Variants in UNC13C observed in about 807,000 individuals in gnomAD.
UNC13C encodes protein unc-13 homolog C.
Under a neutral mutation model 245.4 loss-of-function variants are expected in UNC13C, and 174 were observed. The observed-to-expected ratio is 0.71, with a 90% CI of 0.63 to 0.80. The LOEUF (loss-of-function observed/expected upper bound fraction) is 0.80, where lower values mean the gene tolerates loss of function less well. Among genes scored for constraint, UNC13C ranks in the 30% least tolerant of loss-of-function variants. UNC13C has a pLI of 0.00. For missense variants in UNC13C, 2,829 were observed against 2,602.9 expected (o/e 1.09, Z -1.89); for synonymous variants, 992 against 895.1 (o/e 1.11, Z -1.93).
intron 2 of UNC13C, among the ~76,000 whole-genome samples, chr15:54,118,584 T>C (rs2030440644): frequency 6.6e-6 from 1 of 152,150 alleles, no homozygotes; most frequent in Non-Finnish European, 1.5e-5. Context: ...TATCATGTCA[T>C]CTGTGAATAG....
At chr15:54,237,711 A>G (rs778521297) in intron 7 of UNC13C, 21 bp downstream of exon 7, 8 of 1,547,178 alleles carry the variant, frequency 5.2e-6, no homozygotes, top group Middle Eastern at 1.7e-4. Flanking sequence ...GATATTGCTC[A>G]TAATATCTAA....
the UNC13C span, among the ~76,000 whole-genome samples, chr15:53,933,411 G>A: frequency 6.6e-6 from 1 of 151,888 alleles, no homozygotes; most frequent in Non-Finnish European, 1.5e-5. Flanking sequence ...ACAAATATAA[G>A]ATGCACACAA....
At chr15:53,923,391 C>T in the UNC13C span, among the ~76,000 whole-genome samples, 1 of 152,164 alleles carries the variant, frequency 6.6e-6, no homozygotes, top group South Asian at 2.1e-4. Context: ...GTGTATCTGT[C>T]AGTGAATGTA....
chr15:53,911,434 G>A, the UNC13C span: 1 of 152,412 alleles, frequency 6.6e-6, no homozygotes, highest in South Asian at 2.1e-4. Flanking sequence ...GACCGCAGGC[G>A]AGATCCCAGG....
intron 30 of UNC13C, among the ~76,000 whole-genome samples, chr15:54,618,932 C>G (rs1040180907): frequency 6.6e-6 from 1 of 152,114 alleles, no homozygotes; most frequent in Non-Finnish European, 1.5e-5. Flanking sequence ...CAAAAAACCT[C>G]TTACTGTCAA....
Position 54,250,413 on chromosome 15 carries a change from T to A in UNC13C, c.3417T>A (p.Cys1139Ter). 6.2e-7 allele frequency: 1 copy of A among 1,612,932 alleles called. No homozygotes were observed. The highest frequency in any genetic ancestry group is 8.5e-7 in the Non-Finnish European group (1 of 1,179,456). Reference sequence around the variant, plus strand: ...GTGGAGTGAAATGCCACGAAAAGTGTCAGGACCTGCTAAACGCTGACTGCT... The same window carrying A: ...GTGGAGTGAAATGCCACGAAAAGTGACAGGACCTGCTAAACGCTGACTGCT... ...LECGVKCHEKCQDLLNADCLQ... is the reference protein window; with the variant it reads ...LECGVKCHEK Residue 1139 changes from cysteine (C) to a stop codon, truncating the protein, a stop_gained, in exon 8 of 33, where the codon TGT becomes TGA. Transcript: ENST00000260323. LOFTEE classifies it high-confidence loss of function.
At chr15:54,558,794 A>G (rs1897187897) in intron 29 of UNC13C, among the ~76,000 whole-genome samples, 1 of 151,984 alleles carries the variant, frequency 6.6e-6, no homozygotes, top group East Asian at 1.9e-4. Context: ...TAAAAGTAGA[A>G]AAGTGGCAGC....
At chr15:54,118,630 C>G (rs1251966407) in intron 2 of UNC13C, among the ~76,000 whole-genome samples, 1 of 151,956 alleles carries the variant, frequency 6.6e-6, no homozygotes, top group Non-Finnish European at 1.5e-5. Flanking sequence ...GTTTGAATGT[C>G]CTTTGTTTTG....
At chr15:54,193,043 A>G (rs1279909192) in intron 4 of UNC13C, among the ~76,000 whole-genome samples, 4 of 152,106 alleles carry the variant, frequency 2.6e-5, no homozygotes, top group African/African-American at 7.2e-5. Flanking sequence ...CCAATGCCCC[A>G]CTATTATTTT....
intron 22 of UNC13C, among the ~76,000 whole-genome samples, chr15:54,501,866 G>A (rs1230936881): frequency 6.6e-6 from 1 of 152,150 alleles, no homozygotes; most frequent in Non-Finnish European, 1.5e-5. Flanking sequence ...GACATGGGAA[G>A]GGCAGGGAGA....
chr15:54,113,525 C>T (rs1277866717), intron 2 of UNC13C, among the ~76,000 whole-genome samples: 1 of 152,082 alleles, frequency 6.6e-6, no homozygotes, highest in Non-Finnish European at 1.5e-5. Flanking sequence ...ACAAAGCAAG[C>T]TGTTAAGTTC....
chr15:54,359,591 TA>T (rs1225976657), intron 17 of UNC13C, among the ~76,000 whole-genome samples: 1 of 152,072 alleles, frequency 6.6e-6, no homozygotes, highest in East Asian at 1.9e-4. Context: ...TTCAGGAATT[TA>T]TACATTTCTT....
intron 17 of UNC13C, among the ~76,000 whole-genome samples, chr15:54,382,801 T>A (rs1377119288): frequency 6.6e-6 from 1 of 151,888 alleles, no homozygotes; most frequent in Non-Finnish European, 1.5e-5. Flanking sequence ...AACTGATAAC[T>A]AGACTACCCA....
intron 13 of UNC13C, among the ~76,000 whole-genome samples, chr15:54,319,063 C>T (rs1028783059): frequency 6.6e-6 from 1 of 151,828 alleles, no homozygotes; most frequent in Non-Finnish European, 1.5e-5. Context: ...CAAGATTACT[C>T]AGCCTGATGA....
chr15:54,034,177 G>T (rs577470289), intron 2 of UNC13C, among the ~76,000 whole-genome samples: 2 of 152,302 alleles, frequency 1.3e-5, no homozygotes, highest in South Asian at 4.1e-4. Context: ...TCAAATAGCA[G>T]CAGGGAAAGG....
At chr15:54,412,838 A>C (rs1272280202) in intron 18 of UNC13C, among the ~76,000 whole-genome samples, 1 of 152,174 alleles carries the variant, frequency 6.6e-6, no homozygotes, top group Non-Finnish European at 1.5e-5. Flanking sequence ...ATGTAGAAAT[A>C]CTGAGAGTCA....
rs148553317 is a variant in UNC13C, at chr15:54,061,649, T to C, written c.2983+45763T>C. On this transcript the variant is annotated intron_variant, in intron 2 of 32. Transcript: ENST00000260323. ...AGAGAGAGCAAAGGAAAGAAGACAG[T>C]GGAGAAAAGAGGGTGAGTTTCTCAA... is the stretch of plus-strand genomic sequence containing the variant. 6.8e-3 allele frequency among the ~76,000 whole-genome samples: 1,042 copies of C among 152,166 alleles called. 18 individuals are homozygous for C. Among genetic ancestry groups the C allele is most frequent in the African/African-American group, 0.024 (1,012 of 41,534 alleles).
At chr15:54,201,511 T>C (rs1363905286) in intron 4 of UNC13C, among the ~76,000 whole-genome samples, 1 of 151,902 alleles carries the variant, frequency 6.6e-6, no homozygotes, top group African/African-American at 2.4e-5. Flanking sequence ...TGGTTTAACA[T>C]ACTTAAGTCA....
chr15:54,048,402 C>T (rs954473431), intron 2 of UNC13C, among the ~76,000 whole-genome samples: 13 of 152,170 alleles, frequency 8.5e-5, no homozygotes, highest in Admixed American at 2.6e-4. Flanking sequence ...ATTTTGCAGC[C>T]AATTCCAGTG....
Sources: allele counts gnomAD v4.1 joint callset (sites outside exome capture counted in the v4.1 genomes callset), GRCh38; gene constraint gnomAD v4.1.1; transcripts MANE v1.5; gene names NCBI Gene and HGNC (gene_info 2026-07-23, HGNC 2026-07-21).